TAFA4: variants seen among roughly 807,000 people sequenced by gnomAD.
TAFA4 encodes chemokine-like protein TAFA-4.
TAFA4 carries 20 observed loss-of-function variants against 21.1 expected under a neutral mutation model. The observed-to-expected ratio is 0.95, with a 90% CI of 0.67 to 1.38. TAFA4 has a LOEUF of 1.38. Ranked by LOEUF, TAFA4 falls within the 40% of genes most tolerant of loss-of-function variation. TAFA4 has a pLI of 0.00. For synonymous variants in TAFA4, 71 were observed against 67.4 expected, an observed-to-expected ratio of 1.05 and a Z score of -0.26; for missense variants, 211 against 180.9, an observed-to-expected ratio of 1.17 and a Z score of -0.95.
chr3:68,808,075 A>T (rs1703743002), intron 3 of TAFA4, among the ~76,000 whole-genome samples: 1 of 152,206 alleles, frequency 6.6e-6, no homozygotes, highest in African/African-American at 2.4e-5. Context: ...AAGTGCTACA[A>T]AATGTTTATT....
chr3:68,811,784 C>T (rs951803137), intron 3 of TAFA4, among the ~76,000 whole-genome samples: 1 of 152,122 alleles, frequency 6.6e-6, no homozygotes, highest in Admixed American at 6.6e-5. Context: ...TCCCAATCTA[C>T]CAAGGCAGGC....
intron 3 of TAFA4, among the ~76,000 whole-genome samples, chr3:68,800,240 C>T (rs1008238493): frequency 1.3e-5 from 2 of 152,168 alleles, no homozygotes; most frequent in African/African-American, 2.4e-5. Context: ...CACAAAACTA[C>T]TCTCTGGTGC....
intron 3 of TAFA4, among the ~76,000 whole-genome samples, chr3:68,878,107 A>C (rs2089574413): frequency 6.6e-6 from 1 of 152,278 alleles, no homozygotes; most frequent in Middle Eastern, 3.4e-3. Context: ...GGTGTGCCCC[A>C]GTTTTTCCAG....
At chr3:68,856,357 G>A (rs1165672355) in intron 3 of TAFA4, among the ~76,000 whole-genome samples, 2 of 152,140 alleles carry the variant, frequency 1.3e-5, no homozygotes, top group Non-Finnish European at 2.9e-5. Context: ...AAGTAGGCAT[G>A]CCATTCTGAA....
chr3:68,922,279 A>G (rs115857002), intron 1 of TAFA4, among the ~76,000 whole-genome samples: 1,609 of 152,292 alleles, frequency 0.011, 18 homozygotes, highest in Non-Finnish European at 0.018. Context: ...AGACTTATTG[A>G]ATCACAAACT....
At chr3:68,736,239 A>C (rs926193320) in intron 5 of TAFA4, among the ~76,000 whole-genome samples, 1 of 152,036 alleles carries the variant, frequency 6.6e-6, no homozygotes, top group African/African-American at 2.4e-5. Context: ...CACCGAATGC[A>C]GCAAAACCCA....
intron 3 of TAFA4, among the ~76,000 whole-genome samples, chr3:68,871,257 G>A (rs1381019663): frequency 2.6e-5 from 4 of 151,930 alleles, no homozygotes; most frequent in South Asian, 4.2e-4. Flanking sequence ...ACATGCACAC[G>A]AATGTTTATT....
In TAFA4 at chr3:68,825,260, G is replaced by T. The variant is rs545677037; in HGVS notation, c.130+55470C>A. 1.2e-4 allele frequency among the ~76,000 whole-genome samples: 19 copies of T among 152,102 alleles called. 1 individual carries two copies. The highest frequency in any genetic ancestry group is 1.1e-3 in the Admixed American group (17 of 15,258). On this transcript the variant is annotated intron_variant, in intron 3 of 5. Transcript: ENST00000295569. ...TCTGTTCCTGTGTTAGTTTGCTGAG[G>T]ATAATGACCTCCAGCTCCATCCACA...
At chr3:68,820,915 G>A (rs1285342037) in intron 3 of TAFA4, among the ~76,000 whole-genome samples, 1 of 152,102 alleles carries the variant, frequency 6.6e-6, no homozygotes, top group Non-Finnish European at 1.5e-5. Context: ...TTTAGAAAAT[G>A]CAAAGAATTT....
intron 3 of TAFA4, among the ~76,000 whole-genome samples, chr3:68,753,353 T>A (rs1206191174): frequency 8.0e-5 from 12 of 150,122 alleles, no homozygotes; most frequent in East Asian, 3.9e-4. Context: ...TTTTTTTTTT[T>A]GAGAGAGAAT....
At chr3:68,823,060 T>C (rs1318131097) in intron 3 of TAFA4, among the ~76,000 whole-genome samples, 1 of 152,178 alleles carries the variant, frequency 6.6e-6, no homozygotes, top group East Asian at 1.9e-4. Context: ...ATACCAACCT[T>C]GACTCTTAAT....
At chr3:68,803,140 G>C (rs1231047758) in intron 3 of TAFA4, among the ~76,000 whole-genome samples, 1 of 117,806 alleles carries the variant, frequency 8.5e-6, no homozygotes, top group East Asian at 2.3e-4. Context: ...ACTACAGCCA[G>C]TTATTATTTT....
At chr3:68,762,702 A>T (rs1311224322) in intron 3 of TAFA4, among the ~76,000 whole-genome samples, 2 of 152,214 alleles carry the variant, frequency 1.3e-5, no homozygotes, top group Admixed American at 1.3e-4. Flanking sequence ...ATATCCTATG[A>T]TGCAAATATT....
In TAFA4 at chr3:68,774,544, T is replaced by A. The variant is rs4855510; in HGVS notation, c.131-21526A>T. ...TGAGCATTCCACCTGAATCTTGCCT[T>A]TTACTTTTTAATAGCACATATGAGA... On this transcript the variant is annotated intron_variant, in intron 3 of 5. Transcript: ENST00000295569. Among the ~76,000 whole-genome samples the A allele has an allele frequency of 0.025, 3,734 of 152,280 alleles. 261 individuals carry two copies. The East Asian group carries it at 0.25, about 10-fold the overall frequency.
chr3:68,805,995 G>GA (rs944912574), intron 3 of TAFA4, among the ~76,000 whole-genome samples: 38 of 150,772 alleles, frequency 2.5e-4, no homozygotes, highest in Admixed American at 7.9e-4. Context: ...AACCAGAGAA[G>GA]AAAAAAATTA....
At chr3:68,783,745 G>A (rs11714999) in intron 3 of TAFA4, among the ~76,000 whole-genome samples, 2,610 of 93,356 alleles carry the variant, frequency 0.028, 41 homozygotes, top group Non-Finnish European at 0.038. Flanking sequence ...AAGAAAGAAA[G>A]TAAGAAAGAA....
At chr3:68,746,427 T>A (rs1702459222) in intron 4 of TAFA4, among the ~76,000 whole-genome samples, 1 of 152,222 alleles carries the variant, frequency 6.6e-6, no homozygotes, top group Non-Finnish European at 1.5e-5. Flanking sequence ...ATGTTTCTAC[T>A]GCAACTATGA....
chr3:68,776,561 G>C (rs1703053525), intron 3 of TAFA4, among the ~76,000 whole-genome samples: 1 of 152,164 alleles, frequency 6.6e-6, no homozygotes, highest in Non-Finnish European at 1.5e-5. Flanking sequence ...TACATCCATA[G>C]TTTGAGATTC....
intron 3 of TAFA4, among the ~76,000 whole-genome samples, chr3:68,854,138 A>G (rs548243644): frequency 5.3e-5 from 8 of 152,248 alleles, no homozygotes; most frequent in African/African-American, 1.7e-4. Flanking sequence ...AAGAGGAGAC[A>G]CCTAAAGAGA....
Sources: allele counts gnomAD v4.1 joint callset (sites outside exome capture counted in the v4.1 genomes callset), GRCh38; gene constraint gnomAD v4.1.1; transcripts MANE v1.5; gene names NCBI Gene and HGNC (gene_info 2026-07-23, HGNC 2026-07-21).